The following NOTCH2 variants were observed in gnomAD, a reference collection of about 807,000 sequenced individuals.
NOTCH2 encodes the protein neurogenic locus notch homolog protein 2.
Under a neutral mutation model 235.8 loss-of-function variants are expected in NOTCH2, and 29 were observed. The observed-to-expected ratio is 0.12, with a 90% CI of 0.09 to 0.17. The LOEUF (loss-of-function observed/expected upper bound fraction) is 0.17, where lower values mean the gene tolerates loss of function less well. NOTCH2 is among the 10% of genes least tolerant of loss of function. NOTCH2 has a pLI of 1.00. For missense variants in NOTCH2, 2,285 were observed against 3,150.2 expected (o/e 0.73, Z 6.57); for synonymous variants, 1,086 against 1,141.5 (o/e 0.95, Z 0.98).
In NOTCH2 at chr1:119,922,351, C is replaced by T. The variant is rs2101154488; in HGVS notation, c.5098G>A (p.Ala1700Thr). 2 of 1,614,106 alleles carry T rather than the reference C, an allele frequency of 1.2e-6. No individual in the cohort carries two copies. Among genetic ancestry groups the T allele is most frequent in the South Asian group, 1.1e-5 (1 of 91,078 alleles). ...GAGCCATGCTTACGCTTTCGTTTTG[C>T]CATGATTACCCCCAGCAGAATAATA... ...LFIILLGVIM[A>T]KRKRKHGSLW... The change falls in exon 28 of 34, where the codon GCA (alanine) becomes ACA (threonine). Residue 1700 changes from alanine (A) to threonine (T), a missense_variant. Physicochemically the swap from Ala to Thr is moderately conservative, Grantham distance 58 (BLOSUM62 0). Around this residue, in one of 6 missense-constraint regions of NOTCH2, gnomAD observed 1,173 missense variants for 1,515.3 expected, o/e 0.77. Coordinates refer to ENST00000256646, the MANE Select transcript of NOTCH2 (RefSeq NM_024408.4).
At position 119,977,506 on chromosome 1, in the gene NOTCH2, C is replaced by T. The variant is rs587657970; in HGVS notation, c.875-7762G>A. On this transcript the variant is annotated intron_variant, in intron 5 of 33. Transcript: ENST00000256646. The stretch of plus-strand genomic sequence containing the variant: ...ACACACCAGCCCAGTCAGCCCTCTG[C>T]GGTAGAGCTCCTGCAGTCCTCCTCT... Among the ~76,000 whole-genome samples the T allele has an allele frequency of 5.3e-5, 8 of 152,302 alleles. 1 individual carries two copies. In the South Asian group the frequency reaches 6.2e-4, roughly 12 times the overall value.
At chr1:119,956,185 G>A (rs1421627185) in intron 12 of NOTCH2, among the ~76,000 whole-genome samples, 7 of 152,094 alleles carry the variant, frequency 4.6e-5, no homozygotes, top group Admixed American at 2.0e-4. Flanking sequence ...AAAGTAATAC[G>A]GGTCAGTTAT....
chr1:120,038,750 ATGC>A (rs1367156812), intron 1 of NOTCH2, among the ~76,000 whole-genome samples: 1 of 146,144 alleles, frequency 6.8e-6, no homozygotes, highest in Non-Finnish European at 1.5e-5. Context: ...AAAGAACAAA[ATGC>A]TGCAAATTTC....
At chr1:120,038,014 A>G (rs1654382222) in intron 1 of NOTCH2, among the ~76,000 whole-genome samples, 1 of 152,150 alleles carries the variant, frequency 6.6e-6, no homozygotes, top group Non-Finnish European at 1.5e-5. Context: ...AAAAATTCCA[A>G]TTTTGTTCTA....
chr1:120,037,653 A>G (rs1468183431), intron 1 of NOTCH2, among the ~76,000 whole-genome samples: 1 of 152,050 alleles, frequency 6.6e-6, no homozygotes, highest in Non-Finnish European at 1.5e-5. Context: ...TTCCTCCTTG[A>G]AATTTGTCTT....
chr1:120,069,437 C>A lies in NOTCH2; in HGVS notation c.-31G>T. Reference sequence around the variant, plus strand: ...CGGTCGCCTCCTCCTCCGCCGCCGCCGCCGCCGCCTGGGCAGATCCACATG... The same window carrying A: ...CGGTCGCCTCCTCCTCCGCCGCCGCAGCCGCCGCCTGGGCAGATCCACATG... On this transcript the variant is annotated 5_prime_UTR_variant, in exon 1 of 34. Coordinates refer to ENST00000256646, the MANE Select transcript of NOTCH2 (RefSeq NM_024408.4). 1 of 1,530,832 alleles carries A rather than the reference C, an allele frequency of 6.5e-7. No individual in the cohort carries two copies. Among genetic ancestry groups the A allele is most frequent in the Non-Finnish European group, 8.7e-7 (1 of 1,146,434 alleles). The allele number at this position is 1,530,832 out of a possible 1,614,324, so 94.8% of individuals were successfully genotyped here. A position where few individuals can be genotyped will look rare whatever the true frequency, so the allele number is the denominator to read the frequency against.
intron 1 of NOTCH2, among the ~76,000 whole-genome samples, chr1:120,065,308 G>A (rs1158319802): frequency 6.6e-5 from 10 of 152,172 alleles, no homozygotes; most frequent in East Asian, 1.9e-4. Context: ...GACTGAACAA[G>A]TATTTATTGT....
Position 119,965,311 on chromosome 1 carries a change from T to G in NOTCH2, c.1681+142A>C, listed in dbSNP as rs587612955. On this transcript the variant is annotated intron_variant, in intron 10 of 33. Coordinates refer to ENST00000256646, the MANE Select transcript of NOTCH2 (RefSeq NM_024408.4). ...CAGAAAAAGAGAGCAGCAAAAAATT[T>G]GTTAGAAACAGCTCTTCCTAAACAC... 6.2e-4 allele frequency: 482 copies of G among 777,490 alleles called. 8 individuals carry two copies. The South Asian group carries it at 6.3e-3, about 10-fold the overall frequency. The allele number at this position is 777,490 out of a possible 1,614,324, so 48.2% of individuals were successfully genotyped here. A position where few individuals can be genotyped will look rare whatever the true frequency, so the allele number is the denominator to read the frequency against.
Position 119,941,541 on chromosome 1 carries a change from T to C in NOTCH2, c.2966A>G (p.Asn989Ser), listed in dbSNP as rs782704056. ...FDGVHCENNI[N>S]ECTESSCFNG... Reference sequence around the variant, plus strand: ...GGTTGCTCACCTCTCAGTGCACTCATTGATGTTGTTCTCACAATGGACTCC... The same window carrying C: ...GGTTGCTCACCTCTCAGTGCACTCACTGATGTTGTTCTCACAATGGACTCC... The change falls in exon 18 of 34, where the codon AAT (asparagine) becomes AGT (serine). Residue 989 changes from asparagine to serine, a missense_variant. Physicochemically the swap from Asn to Ser is conservative, Grantham distance 46. This residue lies in a region of NOTCH2 where 1,173 missense variants were observed against 1,515.3 expected (regional missense o/e 0.77). Transcript: ENST00000256646. 5 of 1,613,394 alleles carry C rather than the reference T, an allele frequency of 3.1e-6. No individual in the cohort carries two copies. The highest frequency in any genetic ancestry group is 1.1e-5 in the South Asian group (1 of 91,052).
rs1247793880 is a variant in NOTCH2, at chr1:120,023,259, A to G, written c.155+6647T>C. The stretch of plus-strand genomic sequence containing the variant: ...GAGACCATCCTGGCTAACACAGTGA[A>G]ACCCCGTCTCTACTAAAAATACAAA... On this transcript the variant is annotated intron_variant, in intron 2 of 33. Transcript: ENST00000256646. 3.3e-5 allele frequency among the ~76,000 whole-genome samples: 5 copies of G among 151,078 alleles called. No homozygotes were observed. The East Asian group carries it at 9.8e-4, about 30-fold the overall frequency.
chr1:119,978,098 T>A (rs1553201154), intron 5 of NOTCH2, among the ~76,000 whole-genome samples: 1 of 152,030 alleles, frequency 6.6e-6, no homozygotes. Context: ...AATGTAACTT[T>A]TAAGAGAAGG....
At chr1:119,938,874 G>T (rs1164206667) in intron 19 of NOTCH2, among the ~76,000 whole-genome samples, 1 of 152,052 alleles carries the variant, frequency 6.6e-6, no homozygotes, top group Non-Finnish European at 1.5e-5. Context: ...TAGAGGCGGG[G>T]TTTCACCGTG....
At chr1:120,043,652 T>TA (rs2101377303) in intron 1 of NOTCH2, among the ~76,000 whole-genome samples, 1 of 150,480 alleles carries the variant, frequency 6.6e-6, no homozygotes, top group East Asian at 2.0e-4. Context: ...ACCTGCTTAT[T>TA]AAAACAAAAC....
intron 1 of NOTCH2, among the ~76,000 whole-genome samples, chr1:120,067,119 C>G (rs1553217231): frequency 6.6e-6 from 1 of 152,048 alleles, no homozygotes; most frequent in Non-Finnish European, 1.5e-5. Flanking sequence ...AACACAGGAA[C>G]ACTCAAAAGT....
At chr1:119,952,545 C>A (rs1185446761) in intron 14 of NOTCH2, among the ~76,000 whole-genome samples, 2 of 151,636 alleles carry the variant, frequency 1.3e-5, no homozygotes, top group African/African-American at 4.9e-5. Flanking sequence ...CAATCTACAT[C>A]CTTCACATGT....
At chr1:119,932,006 AT>A (rs1649679507) in intron 22 of NOTCH2, among the ~76,000 whole-genome samples, 1 of 147,588 alleles carries the variant, frequency 6.8e-6, no homozygotes, top group Non-Finnish European at 1.5e-5. Flanking sequence ...ATATGTATAT[AT>A]ACATATATAT....
Position 119,915,878 on chromosome 1 carries a change from T to C in NOTCH2, c.6844A>G (p.Ile2282Val), listed in dbSNP as rs1179993552. 3.1e-6 allele frequency: 5 copies of C among 1,614,048 alleles called. No homozygotes were observed. Among genetic ancestry groups the C allele is most frequent in the Non-Finnish European group, 4.2e-6 (5 of 1,180,022 alleles). The change falls in exon 34 of 34, where the codon ATA (isoleucine) becomes GTA (valine). Residue 2282 changes from isoleucine (I) to valine (V), a missense_variant. This residue lies in a region of NOTCH2 where 504 missense variants were observed against 538.0 expected (regional missense o/e 0.94). Coordinates refer to ENST00000256646, the MANE Select transcript of NOTCH2 (RefSeq NM_024408.4). ...LAPAEGTHPGIAPQSRPPEGK... is the reference protein window; with the variant it reads ...LAPAEGTHPGVAPQSRPPEGK... ...TCAGGTGGCCTGCTCTGGGGAGCTA[T>C]GCCAGGATGGGTGCCCTCAGCTGGA...
At position 119,953,637 on chromosome 1, in the gene NOTCH2, G is replaced by GAAAGGCATTCA. The variant is rs1650572143; in HGVS notation, c.2270_2271insTGAATGCCTTT (p.Lys758GlufsTer23). On this transcript the variant is annotated frameshift_variant, in exon 14 of 34. Coordinates refer to ENST00000256646, the MANE Select transcript of NOTCH2 (RefSeq NM_024408.4). LOFTEE classifies it high-confidence loss of function. ...ATGGATTCGAAAGGCATTCATTTTT[G>GAAAGGCATTCA]TCCACTTCACAGTTGATGCCAACCC... 3.1e-6 allele frequency: 5 copies of GAAAGGCATTCA among 1,613,950 alleles called. No individual in the cohort carries two copies. In the Admixed American group the frequency reaches 5.0e-5, roughly 16 times the overall value.
chr1:119,934,046 G>A (rs1328382828), intron 22 of NOTCH2, among the ~76,000 whole-genome samples: 2 of 152,146 alleles, frequency 1.3e-5, no homozygotes, highest in Admixed American at 1.3e-4. Flanking sequence ...ACACATATTC[G>A]ACTTTATTTG....
Sources: allele counts gnomAD v4.1 joint callset (sites outside exome capture counted in the v4.1 genomes callset), GRCh38; gene constraint gnomAD v4.1.1; regional missense constraint gnomAD v4.1.1; transcripts MANE v1.5; gene names NCBI Gene and HGNC (gene_info 2026-07-23, HGNC 2026-07-21).